The following PCSK2 variants were observed in gnomAD, a reference collection of about 807,000 sequenced individuals.
PCSK2 encodes the protein proprotein convertase subtilisin/kexin type 2.
PCSK2 carries 14 observed loss-of-function variants against 69.7 expected under a neutral mutation model. The observed-to-expected ratio is 0.20, with a 90% CI of 0.13 to 0.31. The LOEUF is 0.31. Among genes scored for constraint, PCSK2 ranks in the 10% least tolerant of loss-of-function variants. The probability of loss-of-function intolerance (pLI) is 1.00; values close to 1 mark genes in which losing one functional copy is unlikely to be tolerated. For synonymous variants in PCSK2, 307 were observed against 320.7 expected (o/e 0.96, Z 0.46); for missense variants, 544 against 842.5 (o/e 0.65, Z 4.39).
chr20:17,368,581 G>A (rs2030668368), intron 4 of PCSK2, among the ~76,000 whole-genome samples: 1 of 152,108 alleles, frequency 6.6e-6, no homozygotes, highest in South Asian at 2.1e-4. Context: ...TGCTTTCTGA[G>A]GTCCAAGGGT....
At chr20:17,286,643 G>C (rs929668325) in intron 2 of PCSK2, among the ~76,000 whole-genome samples, 1 of 152,204 alleles carries the variant, frequency 6.6e-6, no homozygotes, top group Non-Finnish European at 1.5e-5. Context: ...TTACCTTTCT[G>C]CCATATTTTG....
In PCSK2 at chr20:17,332,850, T is replaced by A. The variant is rs115686209; in HGVS notation, c.283-25477T>A. 4.1e-3 allele frequency among the ~76,000 whole-genome samples: 629 copies of A among 152,300 alleles called. 3 individuals are homozygous for A. Among genetic ancestry groups the A allele is most frequent in the African/African-American group, 0.014 (585 of 41,558 alleles). ...TGCACCCTGCCTTTATTTTACTATA[T>A]ATGCAATATAGTCTTTGAAGTCCCT... On this transcript the variant is annotated intron_variant, in intron 2 of 11. Coordinates refer to ENST00000262545, the MANE Select transcript of PCSK2 (RefSeq NM_002594.5).
At chr20:17,480,078 C>G in intron 11 of PCSK2, among the ~76,000 whole-genome samples, 1 of 151,804 alleles carries the variant, frequency 6.6e-6, no homozygotes, top group East Asian at 1.9e-4. Context: ...CTAGAGAGTA[C>G]TTGGGCTTAA....
At chr20:17,462,364 C>T (rs2033027920) in intron 10 of PCSK2, among the ~76,000 whole-genome samples, 1 of 152,160 alleles carries the variant, frequency 6.6e-6, no homozygotes, top group South Asian at 2.1e-4. Context: ...CATCACTGTA[C>T]AGAAGAATCA....
chr20:17,352,332 T>C (rs906458048), intron 2 of PCSK2, among the ~76,000 whole-genome samples: 3 of 152,188 alleles, frequency 2.0e-5, no homozygotes, highest in Admixed American at 6.5e-5. Context: ...TTATTTTTCA[T>C]AGAATTAGAA....
chr20:17,479,116 A>T, intron 11 of PCSK2: 2 of 1,348,096 alleles, frequency 1.5e-6, no homozygotes, highest in Non-Finnish European at 2.1e-6. Context: ...AACATTGACA[A>T]TACAGTTCAT....
intron 5 of PCSK2, 99 bp from the exon 6 acceptor site, chr20:17,409,164 C>T (rs2123302531): frequency 2.3e-6 from 2 of 869,474 alleles, no homozygotes; most frequent in East Asian, 4.8e-5. Context: ...ACTAATCCAG[C>T]ACTCCAGGGA....
At chr20:17,238,690 C>A (rs1441597035) in intron 1 of PCSK2, among the ~76,000 whole-genome samples, 1 of 152,146 alleles carries the variant, frequency 6.6e-6, no homozygotes, top group Non-Finnish European at 1.5e-5. Flanking sequence ...TCTGACCATA[C>A]TAATTCATTT....
chr20:17,272,397 A>G (rs1167182683), intron 2 of PCSK2, among the ~76,000 whole-genome samples: 1 of 152,148 alleles, frequency 6.6e-6, no homozygotes, highest in Non-Finnish European at 1.5e-5. Context: ...ACAATTAGCT[A>G]AAATTTCTAG....
At chr20:17,399,906 C>G (rs936472634) in intron 5 of PCSK2, among the ~76,000 whole-genome samples, 2 of 151,966 alleles carry the variant, frequency 1.3e-5, no homozygotes, top group African/African-American at 2.4e-5. Flanking sequence ...CTATAAGGAA[C>G]AACATAATCA....
chr20:17,475,254 AG>A lies in PCSK2; in HGVS notation c.1431-6327del, dbSNP rs569293555. Reference sequence around the variant, plus strand: ...TTCAGCCAGGTTTCCATAGCTCCTGAGGGTGATTCTTCAGAGACACAAGCAG... The same window carrying A: ...TTCAGCCAGGTTTCCATAGCTCCTGAGGTGATTCTTCAGAGACACAAGCAG... On this transcript the variant is annotated intron_variant, in intron 11 of 11. Transcript: ENST00000262545. 2.3e-3 allele frequency among the ~76,000 whole-genome samples: 341 copies of A among 151,548 alleles called. 1 individual carries two copies. Among genetic ancestry groups the A allele is most frequent in the Non-Finnish European group, 3.7e-3 (251 of 67,908 alleles).
At chr20:17,351,618 C>A (rs1444856929) in intron 2 of PCSK2, among the ~76,000 whole-genome samples, 1 of 151,918 alleles carries the variant, frequency 6.6e-6, no homozygotes, top group African/African-American at 2.4e-5. Flanking sequence ...TCAATAAATG[C>A]AGAAAAAACT....
At chr20:17,304,788 CA>C (rs1375287225) in intron 2 of PCSK2, among the ~76,000 whole-genome samples, 1 of 152,114 alleles carries the variant, frequency 6.6e-6, no homozygotes, top group Non-Finnish European at 1.5e-5. Context: ...TAATAGATAG[CA>C]AAAGTTTTTG....
At chr20:17,283,113 A>G (rs1988381078) in intron 2 of PCSK2, among the ~76,000 whole-genome samples, 1 of 152,164 alleles carries the variant, frequency 6.6e-6, no homozygotes, top group Admixed American at 6.6e-5. Context: ...GAATCCGATC[A>G]CCTCAAACAC....
At chr20:17,277,001 C>A (rs1988107326) in intron 2 of PCSK2, among the ~76,000 whole-genome samples, 1 of 152,054 alleles carries the variant, frequency 6.6e-6, no homozygotes, top group Non-Finnish European at 1.5e-5. Flanking sequence ...CCTAGGAATC[C>A]AACTTACAAG....
At chr20:17,394,466 G>T (rs149922583) in intron 5 of PCSK2, among the ~76,000 whole-genome samples, 3 of 152,278 alleles carry the variant, frequency 2.0e-5, no homozygotes, top group Middle Eastern at 3.4e-3. Flanking sequence ...GGAGCGAACC[G>T]TAGGGGATGG....
At chr20:17,241,210 G>T (rs1193645269) in intron 1 of PCSK2, among the ~76,000 whole-genome samples, 1 of 152,168 alleles carries the variant, frequency 6.6e-6, no homozygotes, top group Non-Finnish European at 1.5e-5. Context: ...ATAATTTCAA[G>T]AGGTTTAAAG....
intron 6 of PCSK2, among the ~76,000 whole-genome samples, chr20:17,420,224 A>G (rs1442661184): frequency 6.6e-6 from 1 of 152,164 alleles, no homozygotes; most frequent in Non-Finnish European, 1.5e-5. Context: ...CTGGTTGGCT[A>G]TTTTCACACT....
chr20:17,344,859 T>C (rs754766143), intron 2 of PCSK2, among the ~76,000 whole-genome samples: 1 of 152,054 alleles, frequency 6.6e-6, no homozygotes, highest in Non-Finnish European at 1.5e-5. Flanking sequence ...CCCTGGATCC[T>C]TTGCTGTTGA....
Sources: gnomAD v4.1 joint callset for allele counts (sites outside exome capture counted in the v4.1 genomes callset) on GRCh38, gnomAD v4.1.1 for gene constraint, MANE v1.5 for transcripts, NCBI Gene and HGNC (gene_info 2026-07-23, HGNC 2026-07-21) for gene names.